The following MDH1 variants were observed in gnomAD, a reference collection of about 807,000 sequenced individuals.
MDH1 encodes malate dehydrogenase, cytoplasmic.
A neutral mutation model predicts 38.7 loss-of-function variants in MDH1; 15 were observed. The ratio of observed to expected loss-of-function variants is 0.39; its 90% CI spans 0.26 to 0.60. The LOEUF is 0.60. Ranked by LOEUF, MDH1 falls within the 20% of genes least tolerant of loss-of-function variation. MDH1 has a pLI of 0.56. For missense variants in MDH1, 368 were observed against 405.2 expected, an observed-to-expected ratio of 0.91 and a Z score of 0.79; for synonymous variants, 144 against 143.6, an observed-to-expected ratio of 1.00 and a Z score of -0.02.
intron 3 of MDH1, 47 bp from the exon 4 acceptor site, chr2:63,597,352 A>G (rs771520188): frequency 6.0e-6 from 8 of 1,322,380 alleles, no homozygotes; most frequent in Non-Finnish European, 7.8e-6. Flanking sequence ...GAAAACTTCA[A>G]ACTTTGATGT....
At chr2:63,605,256 T>G in intron 6 of MDH1, 24 bp from the exon 7 acceptor site, 1 of 1,491,944 alleles carries the variant, frequency 6.7e-7, no homozygotes, top group Non-Finnish European at 9.4e-7. Context: ...GTAATACTGC[T>G]GCCTTCACCT....
chr2:63,590,260 C>G (rs1008160920), intron 1 of MDH1: 1 of 152,142 alleles, frequency 6.6e-6, no homozygotes. Context: ...GTCATCTTGA[C>G]GAATCTCCCC....
Position 63,596,335 on chromosome 2 carries a change from A to G in MDH1, c.199+816A>G, listed in dbSNP as rs1227277583. Among the ~76,000 whole-genome samples the G allele has an allele frequency of 4.6e-5, 7 of 152,188 alleles. No individual in the cohort carries two copies. In the East Asian group the frequency reaches 1.2e-3, roughly 25 times the overall value. On this transcript the variant is annotated intron_variant, in intron 3 of 8. Coordinates refer to ENST00000233114, the MANE Select transcript of MDH1 (RefSeq NM_005917.4). ...TGAATAAACATTTGCTAGAAGGGATACTCTGCCATCTAAGTCTTTTGGTTG... is the reference window on the plus strand; with the variant it reads ...TGAATAAACATTTGCTAGAAGGGATGCTCTGCCATCTAAGTCTTTTGGTTG...
Position 63,604,718 on chromosome 2 carries a change from C to G in MDH1, c.521C>G (p.Thr174Ser). ...KAQIALKLGV[T>S]ANDVKNVIIW... ...TAGATTGCTCTTAAACTTGGTGTGA[C>G]TGCTAATGATGTAAAGAATGTCATT... The change falls in exon 6 of 9, where the codon ACT becomes AGT. Residue 174 changes from threonine (T) to serine (S), a missense_variant. Coordinates refer to ENST00000233114, the MANE Select transcript of MDH1 (RefSeq NM_005917.4). The G allele has an allele frequency of 6.2e-7, 1 of 1,613,912 alleles. No individual in the cohort carries two copies. Among genetic ancestry groups the G allele is most frequent in the Non-Finnish European group, 8.5e-7 (1 of 1,179,898 alleles).
chr2:63,592,858 T>C (rs1452025898), intron 1 of MDH1, among the ~76,000 whole-genome samples: 1 of 152,148 alleles, frequency 6.6e-6, no homozygotes, highest in African/African-American at 2.4e-5. Context: ...AAAGTTCCTG[T>C]CCTTAAGGAT....
At chr2:63,589,506 C>T in intron 1 of MDH1, 1 of 911,932 alleles carries the variant, frequency 1.1e-6, no homozygotes, top group South Asian at 1.4e-5. Context: ...TAGTATTTAC[C>T]AGGTGCTCCA....
chr2:63,598,878 G>C (rs1436132703), intron 4 of MDH1, among the ~76,000 whole-genome samples: 1 of 143,878 alleles, frequency 7.0e-6, no homozygotes, highest in Non-Finnish European at 1.5e-5. Flanking sequence ...CTTGTCTACA[G>C]CTTGTCAAAA....
chr2:63,591,603 T>G (rs1709202996), intron 1 of MDH1, among the ~76,000 whole-genome samples: 1 of 152,232 alleles, frequency 6.6e-6, no homozygotes, highest in Admixed American at 6.5e-5. Context: ...TCAGCCCCCC[T>G]TTTCTTATCC....
intron 4 of MDH1, 56 bp downstream of exon 4, chr2:63,597,630 T>G (rs1389610162): frequency 2.0e-5 from 27 of 1,323,974 alleles, no homozygotes; most frequent in Admixed American, 3.0e-5. Context: ...AAACTTATGC[T>G]TTTAGCATTT....
intron 8 of MDH1, 49 bp downstream of exon 8, chr2:63,606,077 T>A (rs1443910134): frequency 6.6e-7 from 1 of 1,511,166 alleles, no homozygotes; most frequent in Non-Finnish European, 9.2e-7. Context: ...TAGTTATATG[T>A]TTCTCTTAAG....
rs1333280012 is a variant in MDH1, at chr2:63,599,154, C to T, written c.376-16C>T. On this transcript the variant is annotated splice_polypyrimidine_tract_variant and intron_variant, in intron 4 of 8. Transcript: ENST00000233114. ...TATATAGTCTGTAACTCTTCAGTGC[C>T]TTCCATTCCTCCTAGGTTATTGTTG... The T allele has an allele frequency of 1.9e-6, 3 of 1,611,888 alleles. No homozygotes were observed. The highest frequency in any genetic ancestry group is 1.7e-6 in the Non-Finnish European group (2 of 1,178,966).
In MDH1 at chr2:63,604,748, G is replaced by T; in HGVS notation, c.551G>T (p.Trp184Leu). 1.9e-6 allele frequency: 3 copies of T among 1,614,102 alleles called. No individual in the cohort carries two copies. Among genetic ancestry groups the T allele is most frequent in the Non-Finnish European group, 2.5e-6 (3 of 1,179,984 alleles). The change falls in exon 6 of 9, where the codon TGG becomes TTG. Residue 184 changes from tryptophan to leucine, a missense_variant. Coordinates refer to ENST00000233114, the MANE Select transcript of MDH1 (RefSeq NM_005917.4). Reference sequence around the variant, plus strand: ...AATGATGTAAAGAATGTCATTATCTGGGGAAACCATTCCTCGACTCAGTAT... The same window carrying T: ...AATGATGTAAAGAATGTCATTATCTTGGGAAACCATTCCTCGACTCAGTAT... The part of the protein sequence containing the change: ...TANDVKNVII[W>L]GNHSSTQYPD...
intron 5 of MDH1, among the ~76,000 whole-genome samples, chr2:63,603,937 G>A (rs538828469): frequency 1.3e-5 from 2 of 152,314 alleles, no homozygotes; most frequent in South Asian, 2.1e-4. Flanking sequence ...GATTACAGGC[G>A]TAAGCCACCA....
At position 63,604,784 on chromosome 2, in the gene MDH1, A is replaced by G. The variant is rs746750935; in HGVS notation, c.587A>G (p.Asn196Ser). Reference protein sequence around the residue: ...NHSSTQYPDVNHAKVKLQGKE... With the variant: ...NHSSTQYPDVSHAKVKLQGKE... Reference sequence around the variant, plus strand: ...TCCTCGACTCAGTATCCAGATGTCAACCATGCCAAGGTGAAATTGCAAGGA... The same window carrying G: ...TCCTCGACTCAGTATCCAGATGTCAGCCATGCCAAGGTGAAATTGCAAGGA... The change falls in exon 6 of 9, where the codon AAC (asparagine) becomes AGC (serine). Residue 196 changes from asparagine (N) to serine (S), a missense_variant. Physicochemically the swap from Asn to Ser is conservative, Grantham distance 46. Transcript: ENST00000233114. 2.5e-6 allele frequency: 4 copies of G among 1,614,048 alleles called. No homozygotes were observed. The African/African-American group carries it at 4.0e-5, about 16-fold the overall frequency.
intron 1 of MDH1, chr2:63,591,057 T>C (rs566158683): frequency 6.6e-6 from 1 of 152,372 alleles, no homozygotes; most frequent in East Asian, 1.9e-4. Context: ...TGGCTCTGTC[T>C]GTGGAATAAC....
At chr2:63,599,837 C>G (rs935155490) in intron 5 of MDH1, 2 of 152,206 alleles carry the variant, frequency 1.3e-5, no homozygotes, top group Non-Finnish European at 2.9e-5. Context: ...TGCTAATTTT[C>G]TTTACTCTTA....
intron 3 of MDH1, among the ~76,000 whole-genome samples, chr2:63,595,899 G>A (rs1318671788): frequency 6.6e-6 from 1 of 152,184 alleles, no homozygotes; most frequent in Non-Finnish European, 1.5e-5. Context: ...GTAGCATCCT[G>A]TAATGGAAAA....
chr2:63,594,727 G>A (rs961292042), intron 2 of MDH1, 141 bp downstream of exon 2: 3 of 629,046 alleles, frequency 4.8e-6, no homozygotes, highest in Non-Finnish European at 8.3e-6. Context: ...TGCTATAAAT[G>A]GAAGCTACTA....
chr2:63,589,278 T>C, intron 1 of MDH1: 1 of 1,551,140 alleles, frequency 6.4e-7, no homozygotes, highest in South Asian at 1.2e-5. Flanking sequence ...GAGAAGTAGT[T>C]GTCCTGGGAG....
Sources: gnomAD v4.1 joint callset for allele counts (sites outside exome capture counted in the v4.1 genomes callset) on GRCh38, gnomAD v4.1.1 for gene constraint, MANE v1.5 for transcripts, NCBI Gene and HGNC (gene_info 2026-07-23, HGNC 2026-07-21) for gene names.